The following FRMD7 variants were observed in gnomAD, a reference collection of about 807,000 sequenced individuals.
FRMD7 encodes the protein FERM domain containing 7.
In FRMD7, 14 loss-of-function variants were observed where a neutral mutation model predicts 44.1. The ratio of observed to expected loss-of-function variants is 0.32; its 90% confidence interval spans 0.21 to 0.50. The LOEUF is 0.50. Among genes scored for constraint, FRMD7 ranks in the 20% least tolerant of loss-of-function variants. The pLI is 0.99. For synonymous variants in FRMD7, 212 were observed against 187.4 expected (o/e 1.13, Z -1.07); for missense variants, 501 against 522.3 (o/e 0.96, Z 0.40).
chrX:132,113,205 C>G (rs1320007181), intron 1 of FRMD7, among the ~76,000 whole-genome samples: 1 of 112,066 alleles, frequency 8.9e-6, no homozygotes, highest in Non-Finnish European at 1.9e-5. Context: ...AATTGTTTGT[C>G]TCCACATAAC....
intron 3 of FRMD7, among the ~76,000 whole-genome samples, chrX:132,097,762 A>C (rs1437354206): frequency 8.9e-6 from 1 of 112,365 alleles, no homozygotes; most frequent in Non-Finnish European, 1.9e-5. Flanking sequence ...TAAGTATCTC[A>C]TAAAGAGAAT....
chrX:132,095,202 C>T (rs1187785168), intron 4 of FRMD7, among the ~76,000 whole-genome samples: 1 of 108,809 alleles, frequency 9.2e-6, no homozygotes, highest in Non-Finnish European at 1.9e-5. Context: ...TCAAGCGATC[C>T]TCCTGCCTCA....
At chrX:132,081,894 T>C (rs1250766143) in intron 9 of FRMD7, among the ~76,000 whole-genome samples, 1 of 112,007 alleles carries the variant, frequency 8.9e-6, no homozygotes, top group Non-Finnish European at 1.9e-5. Context: ...AAAGACAAGA[T>C]CTTAACCCAA....
chrX:132,120,307 C>T (rs2066973063), intron 1 of FRMD7, among the ~76,000 whole-genome samples: 2 of 112,678 alleles, frequency 1.8e-5, no homozygotes, highest in African/African-American at 3.2e-5. Flanking sequence ...TCATCTCTGG[C>T]GAGTCTAATT....
intron 3 of FRMD7, 136 bp from the exon 4 acceptor site, chrX:132,097,480 C>T: frequency 1.9e-6 from 1 of 521,958 alleles, no homozygotes; most frequent in Non-Finnish European, 3.5e-6. Context: ...CTCCCTCCTA[C>T]AGACTTCTGT....
At chrX:132,081,565 G>C (rs1927815108) in intron 9 of FRMD7, among the ~76,000 whole-genome samples, 1 of 112,020 alleles carries the variant, frequency 8.9e-6, no homozygotes, top group Non-Finnish European at 1.9e-5. Context: ...AAGAAGGCAG[G>C]GATTCATAGA....
intron 1 of FRMD7, among the ~76,000 whole-genome samples, chrX:132,115,589 G>A (rs1928878439): frequency 9.0e-6 from 1 of 111,547 alleles, no homozygotes; most frequent in African/African-American, 3.3e-5. Flanking sequence ...ACATCCCAAG[G>A]GATACTAACC....
rs183457833 is a variant in FRMD7, at chrX:132,101,163, C to T, written c.58-447G>A. On this transcript the variant is annotated intron_variant, in intron 1 of 11. Transcript: ENST00000298542. ...GCCTGTACTCCTCAGCACAGGAGAC[C>T]CAGTTCTCTCTCCCTCCTGTGGCCA... Among the ~76,000 whole-genome samples the T allele has an allele frequency of 1.3e-4, 14 of 110,018 alleles. No individual in the cohort carries two copies. In the East Asian group the frequency reaches 4.1e-3, roughly 32 times the overall value.
intron 1 of FRMD7, among the ~76,000 whole-genome samples, chrX:132,102,585 T>C (rs1248584696): frequency 1.8e-5 from 2 of 111,530 alleles, no homozygotes; most frequent in African/African-American, 6.5e-5. Flanking sequence ...AAATTGCTCC[T>C]ATTTTTAAAA....
At chrX:132,091,399 T>C (rs1247636880) in intron 5 of FRMD7, among the ~76,000 whole-genome samples, 2 of 111,721 alleles carry the variant, frequency 1.8e-5, no homozygotes, top group Non-Finnish European at 3.8e-5. Flanking sequence ...CCTCAGGCCC[T>C]TTGCACTGCA....
Position 132,077,768 on chromosome X carries a change from C to T in FRMD7, c.*104G>A, listed in dbSNP as rs1473697686. On this transcript the variant is annotated 3_prime_UTR_variant, in exon 12 of 12. Transcript: ENST00000298542. ...ATCCAAAATGAGATTTCCTTAATAC[C>T]AATGAATATGTAGTAACCAAGAAAA... 14 of 1,113,340 alleles carry T rather than the reference C, an allele frequency of 1.3e-5. No homozygotes were observed. In the East Asian group the frequency reaches 4.3e-4, roughly 34 times the overall value. 91.8% of individuals were successfully genotyped at this position (1,113,340 alleles called of 1,213,427 possible).
chrX:132,113,868 C>G (rs774390481), intron 1 of FRMD7, among the ~76,000 whole-genome samples: 1 of 110,811 alleles, frequency 9.0e-6, no homozygotes, highest in Non-Finnish European at 1.9e-5. Flanking sequence ...TATCAAATAG[C>G]AGGTTTTATT....
At chrX:132,110,442 C>G (rs1026547277) in intron 1 of FRMD7, among the ~76,000 whole-genome samples, 11 of 111,321 alleles carry the variant, frequency 9.9e-5, no homozygotes, top group African/African-American at 3.6e-4. Context: ...CCTAGAGATT[C>G]CTGGTATTCT....
intron 4 of FRMD7, among the ~76,000 whole-genome samples, chrX:132,095,027 C>T (rs1381090944): frequency 1.8e-5 from 2 of 110,069 alleles, no homozygotes; most frequent in African/African-American, 3.3e-5. Flanking sequence ...CACTAATTAC[C>T]TTCTTCCATG....
intron 9 of FRMD7, among the ~76,000 whole-genome samples, chrX:132,080,726 A>T (rs1199289114): frequency 9.0e-6 from 1 of 110,886 alleles, no homozygotes; most frequent in Non-Finnish European, 1.9e-5. Context: ...AGGTGGGAGG[A>T]TTGCTTGAGC....
intron 1 of FRMD7, among the ~76,000 whole-genome samples, chrX:132,126,248 T>C (rs7880476): frequency 0.22 from 24,241 of 111,060 alleles, 2,123 homozygotes; most frequent in Non-Finnish European, 0.25. Flanking sequence ...GGTAACACCA[T>C]GGTTGCTACT....
Position 132,081,351 on chromosome X carries a change from C to CA in FRMD7, c.905+1011dup, listed in dbSNP as rs764035751. Among the ~76,000 whole-genome samples, 607 of 100,206 alleles carry CA rather than the reference C, an allele frequency of 6.1e-3. 3 individuals carry two copies. Among genetic ancestry groups the CA allele is most frequent in the African/African-American group, 0.023 (576 of 25,591 alleles). 87.0% of individuals were successfully genotyped at this position (100,206 alleles called of 115,157 possible). ...CATCTCAAAACAAAACAAAACAAAA[C>CA]AAACAACAACAACAAAAAAAAACAC... On this transcript the variant is annotated intron_variant, in intron 9 of 11. Coordinates refer to ENST00000298542, the MANE Select transcript of FRMD7 (RefSeq NM_194277.3).
At chrX:132,127,749 G>A (rs1929190584) in intron 1 of FRMD7, 39 bp downstream of exon 1, 1 of 1,055,888 alleles carries the variant, frequency 9.5e-7, no homozygotes, top group Non-Finnish European at 1.3e-6. Flanking sequence ...ATTATTGAAT[G>A]AATAATAAAG....
chrX:132,091,912 A>G (rs964830889), intron 5 of FRMD7, among the ~76,000 whole-genome samples: 8 of 112,173 alleles, frequency 7.1e-5, no homozygotes, highest in East Asian at 2.8e-4. Flanking sequence ...ATAAATATTC[A>G]GTATCTGCCC....
Sources: allele counts gnomAD v4.1 joint callset (sites outside exome capture counted in the v4.1 genomes callset), GRCh38; gene constraint gnomAD v4.1.1; transcripts MANE v1.5; gene names NCBI Gene and HGNC (gene_info 2026-07-23, HGNC 2026-07-21).